The following ZNF827 variants were observed in gnomAD, a reference collection of about 807,000 sequenced individuals.
ZNF827 encodes the protein zinc finger protein 827.
ZNF827 carries 13 observed loss-of-function variants against 102.4 expected under a neutral mutation model. The ratio of observed to expected loss-of-function variants is 0.13; its 90% CI spans 0.08 to 0.20. ZNF827 has a LOEUF of 0.20. Among genes scored for constraint, ZNF827 ranks in the 10% least tolerant of loss-of-function variants. The pLI is 1.00. For missense variants in ZNF827, 1,103 were observed against 1,344.4 expected (o/e 0.82, Z 2.81); for synonymous variants, 523 against 536.2 (o/e 0.98, Z 0.34).
intron 9 of ZNF827, among the ~76,000 whole-genome samples, chr4:145,778,452 T>A (rs114211537): frequency 0.051 from 7,731 of 151,886 alleles, 470 homozygotes; most frequent in African/African-American, 0.14. Flanking sequence ...CTTTTTTTTT[T>A]AAAAAAGTTA....
chr4:145,934,163 C>A (rs1045137634), intron 1 of ZNF827, among the ~76,000 whole-genome samples: 4 of 152,102 alleles, frequency 2.6e-5, no homozygotes, highest in African/African-American at 9.7e-5. Flanking sequence ...AAGGCTGTAT[C>A]TCGTGTAATA....
At chr4:145,793,566 G>T (rs1270464995) in intron 8 of ZNF827, among the ~76,000 whole-genome samples, 1 of 151,612 alleles carries the variant, frequency 6.6e-6, no homozygotes, top group Non-Finnish European at 1.5e-5. Context: ...TTTGCTGGCA[G>T]CTGATTAGAT....
chr4:145,910,312 T>A (rs777493037), intron 1 of ZNF827, among the ~76,000 whole-genome samples: 2 of 152,182 alleles, frequency 1.3e-5, no homozygotes, highest in Admixed American at 1.3e-4. Context: ...ATTCTTCATA[T>A]AAAGTGCTTA....
chr4:145,798,301 TGGTTTAGGG>T (rs1186556535), intron 8 of ZNF827, among the ~76,000 whole-genome samples: 1 of 152,178 alleles, frequency 6.6e-6, no homozygotes, highest in Non-Finnish European at 1.5e-5. Context: ...TGAATATGTG[TGGTTTAGGG>T]GCCAAGCTAC....
chr4:145,854,584 G>C (rs1028204636), intron 5 of ZNF827, among the ~76,000 whole-genome samples: 1 of 152,082 alleles, frequency 6.6e-6, no homozygotes, highest in Non-Finnish European at 1.5e-5. Context: ...CTGTCCCACA[G>C]AAAGCCTCAG....
intron 3 of ZNF827, among the ~76,000 whole-genome samples, chr4:145,886,902 A>G (rs1036252407): frequency 2.0e-5 from 3 of 152,270 alleles, no homozygotes; most frequent in Non-Finnish European, 2.9e-5. Context: ...CATGCACATG[A>G]TACCTGTAAA....
chr4:145,863,651 T>C (rs1747924799), intron 5 of ZNF827, among the ~76,000 whole-genome samples: 2 of 151,432 alleles, frequency 1.3e-5, no homozygotes, highest in South Asian at 4.1e-4. Context: ...GCATATTGTA[T>C]GATTTCATTC....
chr4:145,780,059 CGG>C (rs1737745372), intron 8 of ZNF827, among the ~76,000 whole-genome samples: 1 of 152,092 alleles, frequency 6.6e-6, no homozygotes, highest in African/African-American at 2.4e-5. Flanking sequence ...GGCATGGTGG[CGG>C]GTGCCTGTAA....
At chr4:145,857,434 A>G (rs1379252109) in intron 5 of ZNF827, among the ~76,000 whole-genome samples, 1 of 152,164 alleles carries the variant, frequency 6.6e-6, no homozygotes, top group Non-Finnish European at 1.5e-5. Flanking sequence ...GTAGATTTTT[A>G]AATTAGTCTT....
chr4:145,875,341 T>A (rs1749067547), intron 4 of ZNF827, among the ~76,000 whole-genome samples: 1 of 152,090 alleles, frequency 6.6e-6, no homozygotes, highest in African/African-American at 2.4e-5. Context: ...AAATCACAGA[T>A]CTAATTCACA....
chr4:145,833,709 T>C (rs1744507804), intron 7 of ZNF827, among the ~76,000 whole-genome samples: 5 of 145,282 alleles, frequency 3.4e-5, no homozygotes, highest in South Asian at 2.3e-4. Context: ...TGTGCCCCAA[T>C]CCCTTATTTC....
intron 6 of ZNF827, among the ~76,000 whole-genome samples, chr4:145,846,771 C>G (rs1746002463): frequency 7.1e-6 from 1 of 141,260 alleles, no homozygotes; most frequent in Admixed American, 7.1e-5. Flanking sequence ...GAGCCGAGAT[C>G]GCGCCACTAC....
chr4:145,823,374 A>C (rs1743342372), intron 8 of ZNF827, 48 bp downstream of exon 8: 1 of 1,471,034 alleles, frequency 6.8e-7, no homozygotes. Context: ...CAGAAAAGTA[A>C]TTCTTAAGCA....
chr4:145,767,183 GAAGTT>G (rs893212097), intron 11 of ZNF827, among the ~76,000 whole-genome samples: 11 of 152,318 alleles, frequency 7.2e-5, no homozygotes, highest in African/African-American at 2.4e-4. Context: ...ATATGTTCAA[GAAGTT>G]AAGTAGAGAC....
Position 145,763,146 on chromosome 4 carries a change from T to C in ZNF827, c.3231-24A>G, listed in dbSNP as rs1017945168. ...AGCTACGGCAAAAGAAAAATAATAG[T>C]ATAATCTTATTTGATCTGCATTATG... is the stretch of plus-strand genomic sequence containing the variant. On this transcript the variant is annotated intron_variant, in intron 13 of 14. Coordinates refer to ENST00000508784, the MANE Select transcript of ZNF827 (RefSeq NM_001306215.2). The surrounding 1 kb of genome is among the most constrained non-coding windows in gnomAD (Gnocchi z 4.6). 6.5e-6 allele frequency: 10 copies of C among 1,535,708 alleles called. No homozygotes were observed. The highest frequency in any genetic ancestry group is 8.7e-6 in the Non-Finnish European group (10 of 1,146,666).
At chr4:145,888,097 C>T (rs1462996944) in intron 3 of ZNF827, among the ~76,000 whole-genome samples, 1 of 152,164 alleles carries the variant, frequency 6.6e-6, no homozygotes, top group Non-Finnish European at 1.5e-5. Context: ...TCTTTTTCAC[C>T]AGATCCTGGC....
intron 4 of ZNF827, among the ~76,000 whole-genome samples, chr4:145,871,501 C>G (rs984535581): frequency 6.6e-6 from 1 of 152,280 alleles, no homozygotes; most frequent in East Asian, 1.9e-4. Context: ...CTTCCTACTA[C>G]TCTTCACTTT....
chr4:145,887,881 T>C (rs1750252670), intron 3 of ZNF827, among the ~76,000 whole-genome samples: 1 of 152,162 alleles, frequency 6.6e-6, no homozygotes, highest in African/African-American at 2.4e-5. Context: ...GCTTCCATTG[T>C]CCCTGAGAGC....
Position 145,802,787 on chromosome 4 carries a change from TAA to T in ZNF827, c.2383+20633_2383+20634del, listed in dbSNP as rs1741044072. On this transcript the variant is annotated intron_variant, in intron 8 of 14. Coordinates refer to ENST00000508784, the MANE Select transcript of ZNF827 (RefSeq NM_001306215.2). ...AAACTGCATCTCTACCAAAAAAAAT[TAA>T]AAAGTTAGCTAGACAAGGTGGTATG... is the stretch of plus-strand genomic sequence containing the variant. Among the ~76,000 whole-genome samples, 8 of 152,064 alleles carry T rather than the reference TAA, an allele frequency of 5.3e-5. No homozygotes were observed. In the South Asian group the frequency reaches 1.7e-3, roughly 32 times the overall value.
Sources: gnomAD v4.1 joint callset for allele counts (sites outside exome capture counted in the v4.1 genomes callset) on GRCh38, gnomAD v4.1.1 for gene constraint, Gnocchi (gnomAD v3.1) non-coding constraint, MANE v1.5 for transcripts, NCBI Gene and HGNC (gene_info 2026-07-23, HGNC 2026-07-21) for gene names.